Variants in BBS2 observed in about 807,000 individuals in gnomAD.
The protein encoded by BBS2 is BBSome complex member BBS2.
Under a neutral mutation model 83.0 loss-of-function variants are expected in BBS2, and 62 were observed. That is an observed-to-expected ratio of 0.75 (90% CI 0.61 to 0.92). BBS2 has a LOEUF of 0.92. Among genes scored for constraint, BBS2 ranks in the 40% least tolerant of loss-of-function variants. The pLI, the probability that BBS2 is intolerant of heterozygous loss-of-function variation, is 0.00. For missense variants in BBS2, 784 were observed against 901.0 expected (o/e 0.87, Z 1.66); for synonymous variants, 303 against 326.1 (o/e 0.93, Z 0.76).
intron 2 of BBS2, among the ~76,000 whole-genome samples, chr16:56,513,392 T>G (rs963406821): frequency 3.9e-5 from 6 of 152,098 alleles, no homozygotes; most frequent in Non-Finnish European, 7.3e-5. Flanking sequence ...CATATAAAGA[T>G]GTTCACAACA....
At chr16:56,493,403 A>C (rs1034471202) in intron 15 of BBS2, among the ~76,000 whole-genome samples, 1 of 151,316 alleles carries the variant, frequency 6.6e-6, no homozygotes, top group Non-Finnish European at 1.5e-5. Context: ...AAAAAAAAAA[A>C]AAAAAACCAA....
At chr16:56,506,750 A>G (rs1964433150) in intron 5 of BBS2, among the ~76,000 whole-genome samples, 1 of 152,190 alleles carries the variant, frequency 6.6e-6, no homozygotes, top group South Asian at 2.1e-4. Flanking sequence ...AATCCTTTGA[A>G]AAGTAAAAAC....
rs1964210728 is a variant in BBS2 at position 56,499,823 on chromosome 16, C to G, written c.1482G>C (p.Glu494Asp). ...TGGTAAAGTTAACATAACTGATTGG[C>G]TCACTGGCAGGGTCCAGGCTGGTCA... is the stretch of plus-strand genomic sequence containing the variant. ...YALTSLDPASEPISYVNFTIA... is the reference protein window; with the variant it reads ...YALTSLDPASDPISYVNFTIA... The change falls in exon 12 of 17, where the codon GAG becomes GAC. Residue 494 changes from glutamate to aspartate, a missense_variant. Transcript: ENST00000245157. 2.5e-6 allele frequency: 4 copies of G among 1,614,178 alleles called. No homozygotes were observed. The highest frequency in any genetic ancestry group is 3.4e-6 in the Non-Finnish European group (4 of 1,180,022).
intron 15 of BBS2, among the ~76,000 whole-genome samples, chr16:56,492,919 C>T (rs961094426): frequency 5.9e-5 from 9 of 151,946 alleles, no homozygotes; most frequent in East Asian, 3.9e-4. Flanking sequence ...AAAAGATTTA[C>T]GTAACAAAAC....
intron 2 of BBS2, among the ~76,000 whole-genome samples, chr16:56,513,535 T>C (rs544666933): frequency 2.0e-5 from 3 of 152,330 alleles, no homozygotes; most frequent in African/African-American, 7.2e-5. Flanking sequence ...TACTGACACA[T>C]GCTACAACAT....
chr16:56,476,365 C>T (rs1286802240), intron 17 of BBS2: 13 of 535,394 alleles, frequency 2.4e-5, no homozygotes, highest in Non-Finnish European at 2.5e-5. Context: ...TGTCCTCAAC[C>T]GAGACCTTGA....
At chr16:56,487,501 T>C (rs1180556076) in intron 15 of BBS2, among the ~76,000 whole-genome samples, 1 of 152,198 alleles carries the variant, frequency 6.6e-6, no homozygotes, top group African/African-American at 2.4e-5. Context: ...TATTTCGTAA[T>C]TGTCTAAAAA....
chr16:56,501,154 C>G, intron 10 of BBS2, 129 bp from the exon 11 acceptor site: 1 of 1,325,408 alleles, frequency 7.5e-7, no homozygotes, highest in Non-Finnish European at 1.1e-6. Flanking sequence ...ACTAAAAATA[C>G]AAAAAATTAG....
chr16:56,510,542 T>TAATA (rs2144178936), intron 4 of BBS2, among the ~76,000 whole-genome samples: 1 of 152,318 alleles, frequency 6.6e-6, no homozygotes, highest in Admixed American at 6.5e-5. Flanking sequence ...AACTATATAC[T>TAATA]AATATGGTTT....
chr16:56,477,154 A>G (rs10438565), intron 17 of BBS2: 6,734 of 151,920 alleles, frequency 0.044, 221 homozygotes, highest in East Asian at 0.16. Context: ...AGAAAAAAAC[A>G]TAAGTGATTG....
At chr16:56,491,084 A>T (rs982655745) in intron 15 of BBS2, among the ~76,000 whole-genome samples, 1 of 152,158 alleles carries the variant, frequency 6.6e-6, no homozygotes, top group Non-Finnish European at 1.5e-5. Context: ...TTTTTTAAAA[A>T]TCTAAGCAAA....
In BBS2 at chr16:56,519,666, G is replaced by A. The variant is rs1336415442; in HGVS notation, c.117+80C>T. On this transcript the variant is annotated intron_variant, in intron 1 of 16. Coordinates refer to ENST00000245157, the MANE Select transcript of BBS2 (RefSeq NM_031885.5). ...CGGGCTGGGGGCGGGGTCGGAGAGG[G>A]GACGGGATCCCAGGGGCGCGGCCGG... 6 of 1,186,462 alleles carry A rather than the reference G, an allele frequency of 5.1e-6. No homozygotes were observed. The South Asian group carries it at 7.6e-5, about 15-fold the overall frequency. The allele number at this position is 1,186,462 out of a possible 1,614,324, so 73.5% of individuals were successfully genotyped here.
chr16:56,476,421 CTT>C (rs369101951), intron 17 of BBS2: 252 of 285,922 alleles, frequency 8.8e-4, no homozygotes, highest in Non-Finnish European at 1.0e-3. Context: ...AAAAAGTTGG[CTT>C]TTTTTTTTTT....
At position 56,501,370 on chromosome 16, in the gene BBS2, C is replaced by T. The variant is rs192007013; in HGVS notation, c.1208G>A (p.Arg403His). The change falls in exon 10 of 17, where the codon CGC becomes CAC. Residue 403 changes from arginine (R) to histidine (H), a missense_variant. Transcript: ENST00000245157. ...TGTCTTACCATTAGAAGTGGAAATG[C>T]GTAATTCTGTATGAGCAGTTTGGGT... ...NETQTAHTEL[R>H]ISTSNDTIIR... 57 of 1,613,824 alleles carry T rather than the reference C, an allele frequency of 3.5e-5. No individual in the cohort carries two copies. Among genetic ancestry groups the T allele is most frequent in the Non-Finnish European group, 4.6e-5 (54 of 1,180,002 alleles).
At chr16:56,516,058 C>G (rs1403739384) in intron 1 of BBS2, 1 of 152,234 alleles carries the variant, frequency 6.6e-6, no homozygotes, top group Non-Finnish European at 1.5e-5. Context: ...CATATTCATT[C>G]TTACCGGAAT....
intron 11 of BBS2, chr16:56,500,495 G>A (rs985654762): frequency 2.6e-5 from 7 of 266,796 alleles, no homozygotes; most frequent in Non-Finnish European, 5.1e-5. Flanking sequence ...GCGTGGTGGT[G>A]GGCACCTGTG....
chr16:56,485,022 G>A (rs1963736322), intron 16 of BBS2, among the ~76,000 whole-genome samples, 155 bp from the exon 17 acceptor site: 2 of 152,150 alleles, frequency 1.3e-5, no homozygotes, highest in African/African-American at 4.8e-5. Flanking sequence ...AACTTGGTGA[G>A]GGAATTATTG....
At chr16:56,488,866 G>C (rs1379906750) in intron 15 of BBS2, among the ~76,000 whole-genome samples, 1 of 152,218 alleles carries the variant, frequency 6.6e-6, no homozygotes, top group Non-Finnish European at 1.5e-5. Context: ...CATCACTTTG[G>C]AGAGCCTAAG....
chr16:56,509,942 G>A lies in BBS2; in HGVS notation c.612+15C>T. On this transcript the variant is annotated intron_variant, in intron 5 of 16. Transcript: ENST00000245157. ...CTTGCTCAAGGTTACCATAGTTCGAGGTGGAGCTTCTTACCTCTGTTTCTG... is the reference window on the plus strand; with the variant it reads ...CTTGCTCAAGGTTACCATAGTTCGAAGTGGAGCTTCTTACCTCTGTTTCTG... The A allele has an allele frequency of 6.2e-7, 1 of 1,613,298 alleles. No homozygotes were observed.
Sources: gnomAD v4.1 joint callset for allele counts (sites outside exome capture counted in the v4.1 genomes callset) on GRCh38, gnomAD v4.1.1 for gene constraint, MANE v1.5 for transcripts, NCBI Gene and HGNC (gene_info 2026-07-23, HGNC 2026-07-21) for gene names.